Variants in NBAS observed in about 807,000 individuals in gnomAD.
NBAS encodes the protein NBAS subunit of NRZ tethering complex, also known as NAG/BC035112 fusion.
A neutral mutation model predicts 302.5 loss-of-function variants in NBAS; 219 were observed. The observed-to-expected ratio is 0.72, with a 90% CI of 0.65 to 0.81. The LOEUF (loss-of-function observed/expected upper bound fraction) is 0.81, where lower values mean the gene tolerates loss of function less well. Among genes scored for constraint, NBAS ranks in the 30% least tolerant of loss-of-function variants. The pLI, the probability that NBAS is intolerant of heterozygous loss-of-function variation, is 0.00. For missense variants in NBAS, 2,932 were observed against 2,841.6 expected (o/e 1.03, Z -0.72); for synonymous variants, 1,118 against 1,021.6 (o/e 1.09, Z -1.80).
At chr2:15,125,954 T>C in the NBAS span, among the ~76,000 whole-genome samples, 1 of 152,120 alleles carries the variant, frequency 6.6e-6, no homozygotes, top group Non-Finnish European at 1.5e-5. Flanking sequence ...GAGAAGGACA[T>C]GAGATTTGGG....
At chr2:15,439,578 T>G (rs112145953) in intron 21 of NBAS, among the ~76,000 whole-genome samples, 1 of 152,152 alleles carries the variant, frequency 6.6e-6, no homozygotes, top group Non-Finnish European at 1.5e-5. Context: ...GCGTGAGCGA[T>G]GCAGAAGATG....
intron 44 of NBAS, among the ~76,000 whole-genome samples, chr2:15,252,115 G>A (rs1668390664): frequency 6.6e-6 from 1 of 152,186 alleles, no homozygotes; most frequent in Admixed American, 6.5e-5. Flanking sequence ...TTAGCTAATG[G>A]CTTGATTCAT....
Position 15,364,306 on chromosome 2 carries a change from T to A in NBAS, c.3817+2274A>T, listed in dbSNP as rs572060721. Among the ~76,000 whole-genome samples the A allele has an allele frequency of 3.9e-5, 6 of 152,172 alleles. No homozygotes were observed. The South Asian group carries it at 1.2e-3, about 32-fold the overall frequency. On this transcript the variant is annotated intron_variant, in intron 32 of 51. Coordinates refer to ENST00000281513, the MANE Select transcript of NBAS (RefSeq NM_015909.4). The stretch of plus-strand genomic sequence containing the variant: ...CAGCACTTTGGGAGGCCGAGGCAGG[T>A]GGATCACCTGAAGTTAGGAGTTCCA...
intron 40 of NBAS, among the ~76,000 whole-genome samples, chr2:15,296,148 G>T (rs1345162054): frequency 6.6e-6 from 1 of 152,166 alleles, no homozygotes; most frequent in African/African-American, 2.4e-5. Context: ...TCCCTTTCTT[G>T]ATTCCACTGG....
the NBAS span, among the ~76,000 whole-genome samples, chr2:15,071,176 G>A: frequency 2.0e-5 from 3 of 152,224 alleles, no homozygotes; most frequent in African/African-American, 4.8e-5. Context: ...TGCTCGGTAA[G>A]ACTAACGCTT....
At chr2:14,871,016 T>G in the NBAS span, among the ~76,000 whole-genome samples, 1 of 145,224 alleles carries the variant, frequency 6.9e-6, no homozygotes, top group Non-Finnish European at 1.5e-5. Context: ...AAAAACACAC[T>G]GAATAGGACT....
At chr2:15,340,561 C>T (rs1040457148) in intron 35 of NBAS, among the ~76,000 whole-genome samples, 3 of 151,980 alleles carry the variant, frequency 2.0e-5, no homozygotes, top group Non-Finnish European at 4.4e-5. Context: ...ACATTCAAGT[C>T]CGGAACTCAG....
At chr2:14,960,509 G>GT in the NBAS span, among the ~76,000 whole-genome samples, 1 of 152,152 alleles carries the variant, frequency 6.6e-6, no homozygotes, top group African/African-American at 2.4e-5. Flanking sequence ...TGTGAGACAG[G>GT]TTTTATAATT....
chr2:15,190,354 A>G lies in NBAS; in HGVS notation c.6482T>C (p.Met2161Thr). The G allele has an allele frequency of 6.2e-7, 1 of 1,614,060 alleles. No individual in the cohort carries two copies. Among genetic ancestry groups the G allele is most frequent in the Non-Finnish European group, 8.5e-7 (1 of 1,179,924 alleles). Reference sequence around the variant, plus strand: ...GTGGTGACTAGATTCCAGGAGTTCCATGAATAGACAGTAGCGGTTCTCTTC... The same window carrying G: ...GTGGTGACTAGATTCCAGGAGTTCCGTGAATAGACAGTAGCGGTTCTCTTC... ...ENEENRYCLF[M>T]ELLESSHHEA... is the part of the protein sequence containing the mutation. Residue 2161 changes from methionine to threonine, a missense_variant, in exon 49 of 52, where the codon ATG becomes ACG. Coordinates refer to ENST00000281513, the MANE Select transcript of NBAS (RefSeq NM_015909.4).
chr2:15,175,965 G>A (rs1332637097), intron 51 of NBAS, among the ~76,000 whole-genome samples: 3 of 152,296 alleles, frequency 2.0e-5, no homozygotes, highest in Middle Eastern at 3.4e-3. Flanking sequence ...TGCTATCAAC[G>A]GAGTGCCTCT....
chr2:14,891,675 T>C, the NBAS span, among the ~76,000 whole-genome samples: 1 of 152,138 alleles, frequency 6.6e-6, no homozygotes, highest in East Asian at 1.9e-4. Context: ...ACCTGGTAAA[T>C]AGCAAAACTA....
chr2:15,548,898 T>A (rs745310305), intron 6 of NBAS, among the ~76,000 whole-genome samples: 4 of 152,104 alleles, frequency 2.6e-5, no homozygotes, highest in Non-Finnish European at 4.4e-5. Flanking sequence ...GCACACTGTT[T>A]TGTACTAGAA....
chr2:15,127,590 G>A, the NBAS span, among the ~76,000 whole-genome samples: 3 of 152,184 alleles, frequency 2.0e-5, no homozygotes, highest in Non-Finnish European at 4.4e-5. Context: ...AGGATTCCTC[G>A]ATATTAAGGC....
chr2:15,470,263 A>G (rs1304339719), intron 16 of NBAS, among the ~76,000 whole-genome samples: 1 of 152,024 alleles, frequency 6.6e-6, no homozygotes, highest in Non-Finnish European at 1.5e-5. Context: ...TTCCACTCCA[A>G]TTCTCTCTAC....
chr2:14,956,776 C>T, the NBAS span, among the ~76,000 whole-genome samples: 1 of 152,114 alleles, frequency 6.6e-6, no homozygotes, highest in Non-Finnish European at 1.5e-5. Flanking sequence ...CAATTATCTC[C>T]ACCTGGTCCT....
intron 26 of NBAS, among the ~76,000 whole-genome samples, chr2:15,400,529 C>CT (rs1283568270): frequency 1.3e-5 from 2 of 151,938 alleles, no homozygotes; most frequent in African/African-American, 4.8e-5. Flanking sequence ...ATTGCAAAAT[C>CT]AAAAAATAAC....
intron 42 of NBAS, among the ~76,000 whole-genome samples, chr2:15,286,530 C>T (rs371150581): frequency 6.6e-5 from 10 of 152,326 alleles, no homozygotes; most frequent in African/African-American, 2.4e-4. Flanking sequence ...CTGGAACTCA[C>T]CAACACTGTC....
chr2:15,048,755 T>A, the NBAS span, among the ~76,000 whole-genome samples: 3 of 152,244 alleles, frequency 2.0e-5, no homozygotes, highest in Middle Eastern at 6.3e-3. Context: ...TGGCCCTGCA[T>A]CAGTCTCTTC....
the NBAS span, among the ~76,000 whole-genome samples, chr2:15,117,011 T>G: frequency 3.8e-3 from 579 of 152,288 alleles, 9 homozygotes; most frequent in African/African-American, 0.013. Flanking sequence ...CCCTATCTGA[T>G]AGTAACAATA....
Sources: gnomAD v4.1 joint callset for allele counts (sites outside exome capture counted in the v4.1 genomes callset) on GRCh38, gnomAD v4.1.1 for gene constraint, MANE v1.5 for transcripts, NCBI Gene and HGNC (gene_info 2026-07-23, HGNC 2026-07-21) for gene names.